The following CARD19 variants were observed in gnomAD, a reference collection of about 807,000 sequenced individuals.
The protein encoded by CARD19 is caspase recruitment domain family member 19.
CARD19 carries 25 observed loss-of-function variants against 24.1 expected under a neutral mutation model. The ratio of observed to expected loss-of-function variants is 1.04; its 90% CI spans 0.76 to 1.45. CARD19 has a LOEUF of 1.45. CARD19 is among the 40% of genes most tolerant of loss of function. The pLI, the probability that CARD19 is intolerant of heterozygous loss-of-function variation, is 0.00. For missense variants in CARD19, 241 were observed against 247.4 expected (o/e 0.97, Z 0.17); for synonymous variants, 103 against 104.9 (o/e 0.98, Z 0.11).
intron 1 of CARD19, among the ~76,000 whole-genome samples, chr9:93,104,781 G>C (rs1357246732): frequency 6.6e-6 from 1 of 152,046 alleles, no homozygotes; most frequent in Non-Finnish European, 1.5e-5. Flanking sequence ...TTTTATTTCT[G>C]TAAAGTTCAT....
intron 1 of CARD19, 93 bp from the exon 2 acceptor site, chr9:93,107,581 G>A (rs1827309550): frequency 4.1e-6 from 6 of 1,464,098 alleles, no homozygotes; most frequent in Admixed American, 1.8e-5. Context: ...CACCTTGGGG[G>A]TGATGCCTTC....
At position 93,113,077 on chromosome 9, in the gene CARD19, C is replaced by T. The variant is rs760887140; in HGVS notation, c.522C>T (p.Ala174=). Reference sequence around the variant, plus strand: ...GACATGTCAGCCGCTACCTGCTGGCCTTCCTGGCAGATGACCTAGGGGGGC... The same window carrying T: ...GACATGTCAGCCGCTACCTGCTGGCTTTCCTGGCAGATGACCTAGGGGGGC... ...IDRHVSRYLL[A]FLADDLGGL The change falls in exon 6 of 6, where the codon GCC becomes GCT. Residue 174 remains alanine (A), a synonymous_variant. Coordinates refer to ENST00000375464, the MANE Select transcript of CARD19 (RefSeq NM_032310.5). The T allele has an allele frequency of 1.3e-6, 2 of 1,592,304 alleles. No individual in the cohort carries two copies. The highest frequency in any genetic ancestry group is 1.7e-6 in the Non-Finnish European group (2 of 1,168,198).
chr9:93,108,256 G>T (rs1002899863), intron 2 of CARD19, among the ~76,000 whole-genome samples: 2 of 152,192 alleles, frequency 1.3e-5, no homozygotes, highest in African/African-American at 2.4e-5. Flanking sequence ...CCACCCCAGT[G>T]CCACAGGGCT....
intron 2 of CARD19, among the ~76,000 whole-genome samples, chr9:93,108,168 A>C (rs1827334530): frequency 6.6e-6 from 1 of 151,672 alleles, no homozygotes; most frequent in South Asian, 2.1e-4. Context: ...GGCGAGAAAG[A>C]GGGCAGGAGG....
At chr9:93,106,414 T>TA (rs56137204) in intron 1 of CARD19, among the ~76,000 whole-genome samples, 28,204 of 102,866 alleles carry the variant, frequency 0.27, 6,159 homozygotes, top group African/African-American at 0.59. Flanking sequence ...CTGTCTCTAC[T>TA]AAAAAAAAAA....
intron 1 of CARD19, among the ~76,000 whole-genome samples, chr9:93,106,758 C>G (rs945098562): frequency 6.6e-6 from 1 of 151,954 alleles, no homozygotes; most frequent in African/African-American, 2.4e-5. Flanking sequence ...CATTTAGAGT[C>G]CCTTCTCAGT....
intron 1 of CARD19, among the ~76,000 whole-genome samples, chr9:93,103,957 C>G (rs189428045): frequency 6.6e-6 from 1 of 152,366 alleles, no homozygotes; most frequent in Non-Finnish European, 1.5e-5. Context: ...GTTTCCAATA[C>G]ATGCTTGTTG....
In CARD19 at chr9:93,096,289, G is replaced by C. The variant is rs1195328750; in HGVS notation, c.-57G>C. On this transcript the variant is annotated 5_prime_UTR_variant, in exon 1 of 6. Transcript: ENST00000375464. The surrounding 1 kb of genome is among the most constrained non-coding windows in gnomAD (Gnocchi z 5.4). The stretch of plus-strand genomic sequence containing the variant: ...GGTGGACCGGGCGGCTGACCGAGGG[G>C]CGGACGCGCGGCGGGGCAGACCGCT... The C allele has an allele frequency of 1.8e-5, 20 of 1,130,388 alleles. No individual in the cohort carries two copies. In the East Asian group the frequency reaches 5.8e-4, roughly 33 times the overall value. The allele number at this position is 1,130,388 out of a possible 1,614,324, so 70.0% of individuals were successfully genotyped here.
At chr9:93,098,814 A>C (rs1826975844) in intron 1 of CARD19, among the ~76,000 whole-genome samples, 1 of 151,274 alleles carries the variant, frequency 6.6e-6, no homozygotes, top group Non-Finnish European at 1.5e-5. Context: ...AGCGGCTTGC[A>C]GGGCAGGAGG....
intron 1 of CARD19, among the ~76,000 whole-genome samples, chr9:93,105,671 T>A (rs1325669593): frequency 1.3e-5 from 2 of 152,242 alleles, no homozygotes; most frequent in Non-Finnish European, 2.9e-5. Flanking sequence ...AGAAAATATT[T>A]TTTATATGAT....
At chr9:93,099,860 A>G (rs113110031) in intron 1 of CARD19, among the ~76,000 whole-genome samples, 2,122 of 152,338 alleles carry the variant, frequency 0.014, 57 homozygotes, top group African/African-American at 0.049. Context: ...CTTCAGCCAG[A>G]TGATGGAGTG....
intron 1 of CARD19, among the ~76,000 whole-genome samples, chr9:93,105,187 TGTGTGTGTGC>T (rs995532284): frequency 2.0e-4 from 12 of 60,894 alleles, no homozygotes; most frequent in African/African-American, 7.2e-4. Flanking sequence ...TGCACGCGCG[TGTGTGTGTGC>T]GTGTGTGTGT....
chr9:93,111,907 G>T lies in CARD19; in HGVS notation c.333G>T (p.Ser111=). Residue 111 remains serine, a synonymous_variant, in exon 4 of 6, where the codon TCG becomes TCT. Coordinates refer to ENST00000375464, the MANE Select transcript of CARD19 (RefSeq NM_032310.5). ...ACTCAGATTGCACAGAGCTAGACTC[G>T]GGCAGCCAGAGCGGCGAGCTGAGTA... is the stretch of plus-strand genomic sequence containing the variant. The part of the protein sequence containing the change: ...LQNSDCTELD[S]GSQSGELSNR... 1.9e-6 allele frequency: 3 copies of T among 1,611,812 alleles called. No individual in the cohort carries two copies. Among genetic ancestry groups the T allele is most frequent in the Non-Finnish European group, 2.5e-6 (3 of 1,179,770 alleles).
rs570608547 is a variant in CARD19, at chr9:93,104,128, A to G, written c.8-3546A>G. On this transcript the variant is annotated intron_variant, in intron 1 of 5. Coordinates refer to ENST00000375464, the MANE Select transcript of CARD19 (RefSeq NM_032310.5). Reference sequence around the variant, plus strand: ...GGTATATTTCATTGATTGATTTTTGATTTGTACATGTTAAACCATCCTTGT... The same window carrying G: ...GGTATATTTCATTGATTGATTTTTGGTTTGTACATGTTAAACCATCCTTGT... Among the ~76,000 whole-genome samples the G allele has an allele frequency of 3.3e-5, 5 of 151,980 alleles. No individual in the cohort carries two copies. In the South Asian group the frequency reaches 1.0e-3, roughly 32 times the overall value.
In CARD19 at chr9:93,110,761, C is replaced by T. The variant is rs778370185; in HGVS notation, c.304+40C>T. Reference sequence around the variant, plus strand: ...ACCAACCATGCATGCTTGGTGCTGGCCCGGGGAGGGCACCCCAGCCTGCCG... The same window carrying T: ...ACCAACCATGCATGCTTGGTGCTGGTCCGGGGAGGGCACCCCAGCCTGCCG... On this transcript the variant is annotated intron_variant, in intron 3 of 5. Transcript: ENST00000375464. The T allele has an allele frequency of 4.4e-6, 7 of 1,585,256 alleles. No individual in the cohort carries two copies. In the African/African-American group the frequency reaches 9.4e-5, roughly 21 times the overall value.
chr9:93,107,441 A>C (rs1046118126), intron 1 of CARD19, among the ~76,000 whole-genome samples: 1 of 152,224 alleles, frequency 6.6e-6, no homozygotes, highest in Non-Finnish European at 1.5e-5. Context: ...GTGGGTTTCC[A>C]CCGCAACCCC....
At chr9:93,106,741 AG>A (rs1228357333) in intron 1 of CARD19, among the ~76,000 whole-genome samples, 1 of 152,084 alleles carries the variant, frequency 6.6e-6, no homozygotes, top group Non-Finnish European at 1.5e-5. Flanking sequence ...GATATTTTAT[AG>A]TAACACATTT....
chr9:93,108,307 A>G (rs1827341039), intron 2 of CARD19, among the ~76,000 whole-genome samples: 1 of 152,060 alleles, frequency 6.6e-6, no homozygotes, highest in Admixed American at 6.5e-5. Flanking sequence ...CGGGCAAACA[A>G]TTGCTTCCTT....
At chr9:93,112,953 A>G (rs780817179) in intron 5 of CARD19, 39 bp from the exon 6 acceptor site, 1 of 1,433,592 alleles carries the variant, frequency 7.0e-7, no homozygotes, top group African/African-American at 1.4e-5. Flanking sequence ...CACCTCTGGG[A>G]CTGGTTCTTG....
Sources: gnomAD v4.1 joint callset for allele counts (sites outside exome capture counted in the v4.1 genomes callset) on GRCh38, gnomAD v4.1.1 for gene constraint, Gnocchi (gnomAD v3.1) non-coding constraint, MANE v1.5 for transcripts, NCBI Gene and HGNC (gene_info 2026-07-23, HGNC 2026-07-21) for gene names.